Variants in ZC3H7B observed in about 807,000 individuals in gnomAD.
ZC3H7B encodes zinc finger CCCH-type containing 7B, also known as zinc finger CCCH domain-containing protein 7B.
In ZC3H7B, 35 loss-of-function variants were observed where a neutral mutation model predicts 116.0. The observed-to-expected ratio is 0.30, with a 90% CI of 0.23 to 0.40. The LOEUF is 0.40. Ranked by LOEUF, ZC3H7B falls within the 10% of genes least tolerant of loss-of-function variation. The pLI, the probability that ZC3H7B is intolerant of heterozygous loss-of-function variation, is 1.00. For missense variants in ZC3H7B, 1,011 were observed against 1,321.5 expected, an observed-to-expected ratio of 0.77 and a Z score of 3.64; for synonymous variants, 502 against 545.6, an observed-to-expected ratio of 0.92 and a Z score of 1.11.
At chr22:41,347,371 C>T (rs1307166189) in intron 14 of ZC3H7B, among the ~76,000 whole-genome samples, 1 of 152,250 alleles carries the variant, frequency 6.6e-6, no homozygotes, top group Non-Finnish European at 1.5e-5. Flanking sequence ...CGCTTCCCTG[C>T]CTGGGTTTGC....
In ZC3H7B at chr22:41,349,360, A is replaced by G; in HGVS notation, c.1948+59A>G. ...GACTCAGGTGAGGGGTAGGCGGCGC[A>G]GGTGAAGGGAGCGCAGGACTGACTG... On this transcript the variant is annotated intron_variant, in intron 16 of 22. Coordinates refer to ENST00000352645, the MANE Select transcript of ZC3H7B (RefSeq NM_017590.6). The surrounding 1 kb of genome is among the most constrained non-coding windows in gnomAD (Gnocchi z 4.9). 1.3e-6 allele frequency: 2 copies of G among 1,590,698 alleles called. No individual in the cohort carries two copies. The highest frequency in any genetic ancestry group is 1.7e-6 in the Non-Finnish European group (2 of 1,168,062).
At chr22:41,320,630 T>C in intron 1 of ZC3H7B, 25 bp from the exon 2 acceptor site, 1 of 1,613,488 alleles carries the variant, frequency 6.2e-7, no homozygotes, top group African/African-American at 1.3e-5. Flanking sequence ...GCTGACTGAC[T>C]GATGGACTGT....
chr22:41,329,979 G>A, intron 5 of ZC3H7B, 44 bp from the exon 6 acceptor site: 1 of 1,603,484 alleles, frequency 6.2e-7, no homozygotes, highest in Non-Finnish European at 8.5e-7. Context: ...AGCTTTGTGA[G>A]CCCGGGCAGA....
rs2145931524 is a variant in ZC3H7B at position 41,342,508 on chromosome 22, GC to G, written c.1198-19del. The G allele has an allele frequency of 6.2e-7, 1 of 1,610,934 alleles. No homozygotes were observed. The highest frequency in any genetic ancestry group is 1.1e-5 in the South Asian group (1 of 91,062). On this transcript the variant is annotated intron_variant, in intron 11 of 22. Transcript: ENST00000352645. ...CAGCCATCATCCAGTGCCCACAATG[GC>G]CTCCTTCCTCCTGTCACAGCCAGAG...
chr22:41,303,591 G>A (rs1186171147), intron 1 of ZC3H7B, among the ~76,000 whole-genome samples: 1 of 152,156 alleles, frequency 6.6e-6, no homozygotes, highest in African/African-American at 2.4e-5. Flanking sequence ...TAGCAACTGT[G>A]TCAGGTAGAC....
intron 1 of ZC3H7B, among the ~76,000 whole-genome samples, chr22:41,311,459 G>A (rs1282225404): frequency 1.3e-5 from 2 of 152,102 alleles, no homozygotes. Flanking sequence ...TGGCACCAAA[G>A]AGGACTTTGG....
chr22:41,331,181 G>A (rs1421517575), intron 6 of ZC3H7B, among the ~76,000 whole-genome samples: 14 of 148,392 alleles, frequency 9.4e-5, no homozygotes, highest in Non-Finnish European at 1.5e-4. Context: ...CCCGGGAGGC[G>A]GAGGTTGCGG....
At chr22:41,318,833 G>C (rs1235858790) in intron 1 of ZC3H7B, among the ~76,000 whole-genome samples, 1 of 152,080 alleles carries the variant, frequency 6.6e-6, no homozygotes, top group Non-Finnish European at 1.5e-5. Context: ...ATCCTCACCA[G>C]CCTCCTTGCA....
At chr22:41,345,160 G>A (rs994375261) in intron 13 of ZC3H7B, among the ~76,000 whole-genome samples, 36 of 152,158 alleles carry the variant, frequency 2.4e-4, no homozygotes, top group African/African-American at 8.7e-4. Context: ...CAACAACCCA[G>A]TCTCCTCCAT....
rs2036746278 is a variant in ZC3H7B, at chr22:41,358,216, T to C, written c.*787T>C. 6.6e-6 allele frequency: 1 copy of C among 152,072 alleles called. No individual in the cohort carries two copies. Among genetic ancestry groups the C allele is most frequent in the African/African-American group, 2.4e-5 (1 of 41,360 alleles). The allele number at this position is 152,072 out of a possible 1,614,324, so 9.4% of individuals were successfully genotyped here. On this transcript the variant is annotated 3_prime_UTR_variant, in exon 23 of 23. Coordinates refer to ENST00000352645, the MANE Select transcript of ZC3H7B (RefSeq NM_017590.6). Reference sequence around the variant, plus strand: ...GGCAGAGCTGGGATGAAAACAGGGCTGAAAAGACTCAGGGCCAATTATTGG... The same window carrying C: ...GGCAGAGCTGGGATGAAAACAGGGCCGAAAAGACTCAGGGCCAATTATTGG...
intron 1 of ZC3H7B, among the ~76,000 whole-genome samples, chr22:41,307,329 T>G (rs907855831): frequency 6.6e-6 from 1 of 152,172 alleles, no homozygotes; most frequent in African/African-American, 2.4e-5. Context: ...CTCATTTTCC[T>G]TCCTCTGTCA....
chr22:41,307,237 A>G (rs1025444952), intron 1 of ZC3H7B, among the ~76,000 whole-genome samples: 2 of 151,676 alleles, frequency 1.3e-5, no homozygotes, highest in Non-Finnish European at 2.9e-5. Context: ...TGGCCTCCCT[A>G]CTGCTGGGAT....
chr22:41,326,913 GT>G (rs1454513567), intron 4 of ZC3H7B, among the ~76,000 whole-genome samples: 3 of 152,208 alleles, frequency 2.0e-5, no homozygotes, highest in Non-Finnish European at 4.4e-5. Context: ...GGAAATAGAC[GT>G]GCTTGAGTGG....
chr22:41,326,501 T>C (rs927924624), intron 4 of ZC3H7B, among the ~76,000 whole-genome samples: 1 of 150,296 alleles, frequency 6.7e-6, no homozygotes, highest in Non-Finnish European at 1.5e-5. Flanking sequence ...CTCAGCCTCC[T>C]CACTGTTCCT....
Position 41,327,066 on chromosome 22 carries a change from C to A in ZC3H7B, c.286-140C>A. Reference sequence around the variant, plus strand: ...CTTCCTTCTCTCCTGGAGCCTCGAGCCCTGTCCCTGACCCAAGACTTCAGC... The same window carrying A: ...CTTCCTTCTCTCCTGGAGCCTCGAGACCTGTCCCTGACCCAAGACTTCAGC... On this transcript the variant is annotated intron_variant, in intron 4 of 22. Transcript: ENST00000352645. This position sits in a 1 kb window ranked among gnomAD's most constrained non-coding sequence, Gnocchi z 4.5. 8.1e-7 allele frequency: 1 copy of A among 1,232,748 alleles called. No homozygotes were observed. The highest frequency in any genetic ancestry group is 1.1e-6 in the Non-Finnish European group (1 of 899,788). 76.4% of individuals were successfully genotyped at this position (1,232,748 alleles called of 1,614,324 possible). A position where few individuals can be genotyped will look rare whatever the true frequency, so the allele number is the denominator to read the frequency against.
At chr22:41,309,198 G>A (rs1477501611) in intron 1 of ZC3H7B, among the ~76,000 whole-genome samples, 1 of 151,782 alleles carries the variant, frequency 6.6e-6, no homozygotes, top group Non-Finnish European at 1.5e-5. Context: ...TTTTAGTAGA[G>A]ACGGGGTTTC....
At chr22:41,312,498 G>C (rs544653549) in intron 1 of ZC3H7B, among the ~76,000 whole-genome samples, 1 of 151,544 alleles carries the variant, frequency 6.6e-6, no homozygotes, top group South Asian at 2.1e-4. Flanking sequence ...GCTACTTGGG[G>C]AGGATTACTT....
chr22:41,348,207 A>C, intron 15 of ZC3H7B, 40 bp downstream of exon 15: 12 of 1,564,754 alleles, frequency 7.7e-6, no homozygotes, highest in Non-Finnish European at 1.1e-5. Context: ...CCTAGGGGCC[A>C]GTGGAGAGTC....
At chr22:41,319,229 C>G (rs549144481) in intron 1 of ZC3H7B, among the ~76,000 whole-genome samples, 42 of 151,872 alleles carry the variant, frequency 2.8e-4, no homozygotes, top group Middle Eastern at 3.2e-3. Context: ...GTGAAACCCC[C>G]TCTCTACTAA....
Sources: gnomAD v4.1 joint callset for allele counts (sites outside exome capture counted in the v4.1 genomes callset) on GRCh38, gnomAD v4.1.1 for gene constraint, Gnocchi (gnomAD v3.1) non-coding constraint, MANE v1.5 for transcripts, NCBI Gene and HGNC (gene_info 2026-07-23, HGNC 2026-07-21) for gene names.